The following CCDC171 variants were observed in gnomAD, a reference collection of about 807,000 sequenced individuals.
CCDC171 encodes coiled-coil domain-containing protein 171.
CCDC171 carries 177 observed loss-of-function variants against 168.2 expected under a neutral mutation model. That is an observed-to-expected ratio of 1.05 (90% CI 0.93 to 1.19). CCDC171 has a LOEUF of 1.19. CCDC171 is among the 50% of genes most tolerant of loss of function. CCDC171 has a pLI of 0.00. For missense variants in CCDC171, 1,991 were observed against 1,539.0 expected (o/e 1.29, Z -4.91); for synonymous variants, 687 against 540.8 (o/e 1.27, Z -3.75).
chr9:15,881,708 G>A (rs1038449413), intron 24 of CCDC171, among the ~76,000 whole-genome samples: 1 of 152,090 alleles, frequency 6.6e-6, no homozygotes, highest in Admixed American at 6.5e-5. Context: ...CCACATATGA[G>A]TCAGAACATG....
chr9:15,755,211 C>A (rs1026457737), intron 18 of CCDC171, among the ~76,000 whole-genome samples: 37 of 152,074 alleles, frequency 2.4e-4, no homozygotes, highest in African/African-American at 8.5e-4. Flanking sequence ...TTAACGTGTT[C>A]ATGTTTGTGC....
At chr9:15,955,912 A>G (rs1829753713) in intron 25 of CCDC171, among the ~76,000 whole-genome samples, 1 of 152,192 alleles carries the variant, frequency 6.6e-6, no homozygotes. Context: ...AAGCAGTACA[A>G]GTAAGAATTG....
intron 21 of CCDC171, among the ~76,000 whole-genome samples, chr9:15,829,734 A>G (rs1405421167): frequency 6.6e-6 from 1 of 152,164 alleles, no homozygotes; most frequent in Admixed American, 6.5e-5. Flanking sequence ...AGCCTGGACA[A>G]CATGGCAAAT....
chr9:15,922,866 T>C, intron 25 of CCDC171, among the ~76,000 whole-genome samples: 1 of 151,666 alleles, frequency 6.6e-6, no homozygotes, highest in Non-Finnish European at 1.5e-5. Flanking sequence ...ATGTCTTCTT[T>C]TGAGAAATGT....
intron 4 of CCDC171, among the ~76,000 whole-genome samples, chr9:15,580,734 A>G (rs2041045076): frequency 6.6e-6 from 1 of 152,174 alleles, no homozygotes; most frequent in Admixed American, 6.5e-5. Flanking sequence ...AAAATAACAG[A>G]TGTTGCATGG....
chr9:15,596,503 TATCTCTATTTTGGTACCAGTA>T (rs1190276466), intron 6 of CCDC171, among the ~76,000 whole-genome samples: 2 of 152,194 alleles, frequency 1.3e-5, no homozygotes, highest in African/African-American at 4.8e-5. Context: ...CATTGGTCTA[TATCTCTATTTTGGTACCAGTA>T]CCATGCTGTT....
chr9:15,577,731 A>C (rs1216614851), intron 3 of CCDC171, among the ~76,000 whole-genome samples: 2 of 152,232 alleles, frequency 1.3e-5, no homozygotes, highest in East Asian at 3.8e-4. Flanking sequence ...AGACAACCCA[A>C]CATTAAGAAC....
intron 7 of CCDC171, 93 bp downstream of exon 7, chr9:15,623,506 CAT>C (rs1554714953): frequency 2.1e-5 from 14 of 656,134 alleles, no homozygotes; most frequent in South Asian, 1.5e-4. Context: ...CACACACACA[CAT>C]AAAACCCATT....
chr9:15,609,353 C>T (rs1309311103), intron 6 of CCDC171, among the ~76,000 whole-genome samples: 1 of 152,144 alleles, frequency 6.6e-6, no homozygotes, highest in Non-Finnish European at 1.5e-5. Context: ...AGGTGATCCA[C>T]CCGCCTTGGC....
chr9:15,793,317 C>A (rs1048978170), intron 21 of CCDC171, among the ~76,000 whole-genome samples: 1 of 151,884 alleles, frequency 6.6e-6, no homozygotes, highest in African/African-American at 2.4e-5. Flanking sequence ...CACCCAGATT[C>A]ATAAAGCAAG....
chr9:16,003,241 C>T (rs1832607118), intron 3 of CCDC171, among the ~76,000 whole-genome samples: 1 of 152,180 alleles, frequency 6.6e-6, no homozygotes, highest in Non-Finnish European at 1.5e-5. Flanking sequence ...CTCTTGGTGT[C>T]TCTCGAATAA....
At chr9:15,660,570 G>C (rs917097541) in intron 8 of CCDC171, among the ~76,000 whole-genome samples, 2 of 152,148 alleles carry the variant, frequency 1.3e-5, no homozygotes, top group Non-Finnish European at 2.9e-5. Context: ...AGAACATGTG[G>C]TATTTGGTTT....
chr9:15,946,178 A>T (rs536719952), intron 25 of CCDC171, among the ~76,000 whole-genome samples: 1 of 152,028 alleles, frequency 6.6e-6, no homozygotes, highest in South Asian at 2.1e-4. Context: ...TTTGTCAAAG[A>T]TCAGATAGTT....
intron 25 of CCDC171, among the ~76,000 whole-genome samples, chr9:15,936,265 A>G (rs1033764567): frequency 6.6e-6 from 1 of 152,016 alleles, no homozygotes; most frequent in Non-Finnish European, 1.5e-5. Flanking sequence ...CATTTGAATC[A>G]TATGAAAGTT....
intron 7 of CCDC171, among the ~76,000 whole-genome samples, chr9:15,655,418 C>A (rs1215421493): frequency 6.6e-6 from 1 of 152,152 alleles, no homozygotes; most frequent in Non-Finnish European, 1.5e-5. Context: ...GATTCTTGGT[C>A]ATGACCGATT....
chr9:16,079,679 T>A, the CCDC171 span, among the ~76,000 whole-genome samples: 1 of 152,222 alleles, frequency 6.6e-6, no homozygotes, highest in Non-Finnish European at 1.5e-5. Context: ...TCTCCAGAAC[T>A]GTGAGACGAT....
At chr9:15,622,579 A>T (rs998496389) in intron 6 of CCDC171, among the ~76,000 whole-genome samples, 5 of 152,184 alleles carry the variant, frequency 3.3e-5, no homozygotes, top group Admixed American at 1.3e-4. Context: ...GACAACAATG[A>T]ATCTAGATTA....
intron 25 of CCDC171, among the ~76,000 whole-genome samples, chr9:15,926,887 A>G (rs1350904968): frequency 6.6e-6 from 1 of 151,806 alleles, no homozygotes; most frequent in East Asian, 1.9e-4. Flanking sequence ...AAAAGAACTA[A>G]AACAACCCTT....
intron 3 of CCDC171, among the ~76,000 whole-genome samples, chr9:16,000,463 A>G (rs536051462): frequency 6.6e-6 from 1 of 152,286 alleles, no homozygotes; most frequent in East Asian, 1.9e-4. Context: ...GTAGAAAAAA[A>G]TTTTAATCAT....
Sources: allele counts gnomAD v4.1 joint callset (sites outside exome capture counted in the v4.1 genomes callset), GRCh38; gene constraint gnomAD v4.1.1; transcripts MANE v1.5; gene names NCBI Gene and HGNC (gene_info 2026-07-23, HGNC 2026-07-21).